Variants in SH3BP2 observed in about 807,000 individuals in gnomAD.
The protein encoded by SH3BP2 is SH3 domain-binding protein 2.
SH3BP2 carries 38 observed loss-of-function variants against 56.2 expected under a neutral mutation model. The ratio of observed to expected loss-of-function variants is 0.68; its 90% CI spans 0.52 to 0.89. The LOEUF (loss-of-function observed/expected upper bound fraction) is 0.89, where lower values mean the gene tolerates loss of function less well. Ranked by LOEUF, SH3BP2 falls within the 40% of genes least tolerant of loss-of-function variation. The pLI, the probability that SH3BP2 is intolerant of heterozygous loss-of-function variation, is 0.00. For synonymous variants in SH3BP2, 346 were observed against 316.7 expected (o/e 1.09, Z -0.98); for missense variants, 748 against 762.6 (o/e 0.98, Z 0.23).
In SH3BP2 at chr4:2,810,320, C is replaced by T. The variant is rs1723693803; in HGVS notation, c.-4-10294C>T. Among the ~76,000 whole-genome samples the T allele has an allele frequency of 6.6e-6, 1 of 151,592 alleles. No individual in the cohort carries two copies. Among genetic ancestry groups the T allele is most frequent in the South Asian group, 2.1e-4 (1 of 4,816 alleles). Reference sequence around the variant, plus strand: ...CTCCTCTCCTCTGGGCTGGACTCCCCCTGTAGCATCACAGCATTGGACCAG... The same window carrying T: ...CTCCTCTCCTCTGGGCTGGACTCCCTCTGTAGCATCACAGCATTGGACCAG... On this transcript the variant is annotated intron_variant, in intron 1 of 12. Coordinates refer to ENST00000503393, the MANE Select transcript of SH3BP2 (RefSeq NM_001122681.2). The surrounding 1 kb of genome is among the most constrained non-coding windows in gnomAD (Gnocchi z 4.2).
intron 1 of SH3BP2, among the ~76,000 whole-genome samples, chr4:2,815,480 C>G (rs1723955086): frequency 6.6e-6 from 1 of 152,212 alleles, no homozygotes; most frequent in Non-Finnish European, 1.5e-5. Context: ...CAGGAACGAG[C>G]CCCTCACAGG....
At chr4:2,820,816 G>A (rs1724262668) in intron 2 of SH3BP2, 63 bp downstream of exon 2, 8 of 1,516,614 alleles carry the variant, frequency 5.3e-6, no homozygotes, top group Non-Finnish European at 7.2e-6. Flanking sequence ...AGCCATGTAA[G>A]TAAGCATCCT....
chr4:2,802,404 A>ATGTGTG (rs1175501543), intron 1 of SH3BP2, among the ~76,000 whole-genome samples: 17,251 of 135,760 alleles, frequency 0.13, 1,164 homozygotes, highest in Middle Eastern at 0.16. Flanking sequence ...AAAAAAATAT[A>ATGTGTG]TGTGTGTGTG....
At chr4:2,821,142 G>A (rs1419327549) in intron 2 of SH3BP2, among the ~76,000 whole-genome samples, 4 of 152,214 alleles carry the variant, frequency 2.6e-5, no homozygotes, top group Admixed American at 6.5e-5. Flanking sequence ...CTGGACCTCT[G>A]GAGCTGCACA....
chr4:2,831,624 G>A lies in SH3BP2; in HGVS notation c.1295G>A (p.Arg432Gln), dbSNP rs200226629. 2.1e-5 allele frequency: 34 copies of A among 1,606,216 alleles called. No individual in the cohort carries two copies. Among genetic ancestry groups the A allele is most frequent in the South Asian group, 1.0e-4 (9 of 89,726 alleles). Residue 432 changes from arginine to glutamine, a missense_variant, in exon 9 of 13, where the codon CGG (arginine) becomes CAG (glutamine). Arg to Gln is a conservative substitution (Grantham distance 43). Around this residue, in one of 3 missense-constraint regions of SH3BP2, gnomAD observed 635 missense variants for 615.0 expected, o/e 1.03. Coordinates refer to ENST00000503393, the MANE Select transcript of SH3BP2 (RefSeq NM_001122681.2). This position sits in a 1 kb window ranked among gnomAD's most constrained non-coding sequence, Gnocchi z 4.1. Reference sequence around the variant, plus strand: ...AGGAGCTTCTCCTTTGAAAAGCCCCGGCAACCCTCACAGGCTGACACTGGC... The same window carrying A: ...AGGAGCTTCTCCTTTGAAAAGCCCCAGCAACCCTCACAGGCTGACACTGGC... The part of the protein sequence containing the change: ...SFRSFSFEKP[R>Q]QPSQADTGGD...
At position 2,838,244 on chromosome 4, in the gene SH3BP2, C is replaced by T. The variant is rs931775112; in HGVS notation, c.*4410C>T. ...AAATAGTTTTGCCAGCACCCAAGTG[C>T]CCTCCCCTCACAGTGTCACTTCCGG... On this transcript the variant is annotated 3_prime_UTR_variant, in exon 13 of 13. Coordinates refer to ENST00000503393, the MANE Select transcript of SH3BP2 (RefSeq NM_001122681.2). The T allele has an allele frequency of 2.6e-5, 4 of 152,250 alleles. No homozygotes were observed. The highest frequency in any genetic ancestry group is 5.9e-5 in the Non-Finnish European group (4 of 68,058). 9.4% of individuals were successfully genotyped at this position (152,250 alleles called of 1,614,324 possible).
intron 1 of SH3BP2, chr4:2,811,918 T>C: frequency 5.0e-6 from 1 of 200,198 alleles, no homozygotes; most frequent in East Asian, 1.4e-4. Context: ...ACACCATCCC[T>C]GTGTGTGTTG....
At chr4:2,807,773 G>A (rs111930449) in intron 1 of SH3BP2, among the ~76,000 whole-genome samples, 5 of 152,300 alleles carry the variant, frequency 3.3e-5, no homozygotes, top group Non-Finnish European at 5.9e-5. Context: ...GGGTGAACGC[G>A]AGGCCAGGAG....
rs548479365 is a variant in SH3BP2, at chr4:2,838,715, A to G, written c.*4881A>G. 3 of 151,720 alleles carry G rather than the reference A, an allele frequency of 2.0e-5. No homozygotes were observed. In the East Asian group the frequency reaches 5.8e-4, roughly 29 times the overall value. 9.4% of individuals were successfully genotyped at this position (151,720 alleles called of 1,614,324 possible). On this transcript the variant is annotated 3_prime_UTR_variant, in exon 13 of 13. Transcript: ENST00000503393. Reference sequence around the variant, plus strand: ...CGTGACCCGAGACAGTTCTTCCGGTATGGTCCATGGAAGCCAAAAGATTGG... The same window carrying G: ...CGTGACCCGAGACAGTTCTTCCGGTGTGGTCCATGGAAGCCAAAAGATTGG...
Position 2,824,723 on chromosome 4 carries a change from A to C in SH3BP2, c.350A>C (p.Glu117Ala), listed in dbSNP as rs372711589. Residue 117 changes from glutamate to alanine, a missense_variant, in exon 4 of 13, where the codon GAG becomes GCG. Transcript: ENST00000503393. ...TWFFSASSEE[E>A]RKSWMALLRR... ...TTCTTCTCGGCCTCCTCCGAGGAGG[A>C]GCGCAAGGTGACTGGGGGTCCGAGG... 4.0e-5 allele frequency: 65 copies of C among 1,610,122 alleles called. No individual in the cohort carries two copies. The highest frequency in any genetic ancestry group is 5.4e-5 in the Non-Finnish European group (63 of 1,176,814).
intron 10 of SH3BP2, 100 bp from the exon 11 acceptor site, chr4:2,832,231 A>C (rs1725026347): frequency 1.7e-6 from 2 of 1,144,482 alleles, no homozygotes; most frequent in Non-Finnish European, 2.7e-6. Context: ...GACCTACAAC[A>C]GCGAGAGGAC....
chr4:2,818,717 C>A, intron 1 of SH3BP2: 1 of 994,220 alleles, frequency 1.0e-6, no homozygotes, highest in Non-Finnish European at 1.2e-6. Flanking sequence ...TGTTCCAAAC[C>A]TTGGCCTGTG....
At chr4:2,822,336 T>G (rs1385888570) in intron 2 of SH3BP2, among the ~76,000 whole-genome samples, 1 of 152,144 alleles carries the variant, frequency 6.6e-6, no homozygotes, top group Non-Finnish European at 1.5e-5. Context: ...TTGTATTTTT[T>G]GTAGAGATGG....
intron 1 of SH3BP2, chr4:2,812,365 G>A (rs1217217972): frequency 2.6e-6 from 4 of 1,550,232 alleles, no homozygotes; most frequent in Admixed American, 2.0e-5. Context: ...TCTGGGAGAT[G>A]TAGGCTGCCT....
At chr4:2,797,329 C>T (rs1208564614) in intron 1 of SH3BP2, among the ~76,000 whole-genome samples, 1 of 152,194 alleles carries the variant, frequency 6.6e-6, no homozygotes, top group African/African-American at 2.4e-5. Context: ...TTACCACCCA[C>T]CCTGGTTTCT....
Position 2,833,836 on chromosome 4 carries a change from G to T in SH3BP2, c.*2G>T. 2 of 1,564,158 alleles carry T rather than the reference G, an allele frequency of 1.3e-6. No homozygotes were observed. The highest frequency in any genetic ancestry group is 1.7e-6 in the Non-Finnish European group (2 of 1,155,534). The stretch of plus-strand genomic sequence containing the variant: ...TACGGCTACACTGGGCCTAGGTGAT[G>T]GCAGTCCATGTGGCTGCCAGGCCAA... On this transcript the variant is annotated 3_prime_UTR_variant, in exon 13 of 13. Transcript: ENST00000503393.
chr4:2,793,518 G>GGCCGGGT (rs1031549500), intron 1 of SH3BP2, among the ~76,000 whole-genome samples: 23 of 151,542 alleles, frequency 1.5e-4, no homozygotes, highest in Non-Finnish European at 2.7e-4. Context: ...TCGGGGCGGG[G>GGCCGGGT]GCCGGGTGTC....
In SH3BP2 at chr4:2,818,811, G is replaced by A. The variant is rs927100914; in HGVS notation, c.-4-1803G>A. 11 of 986,602 alleles carry A rather than the reference G, an allele frequency of 1.1e-5. No individual in the cohort carries two copies. In the African/African-American group the frequency reaches 1.9e-4, roughly 17 times the overall value. 61.1% of individuals were successfully genotyped at this position (986,602 alleles called of 1,614,324 possible). A position where few individuals can be genotyped will look rare whatever the true frequency, so the allele number is the denominator to read the frequency against. ...TTTGGGTGCAGAAGGAGCTGGTGGGGTCCAGCCGGGTGACCCAGGCCGAGG... is the reference window on the plus strand; with the variant it reads ...TTTGGGTGCAGAAGGAGCTGGTGGGATCCAGCCGGGTGACCCAGGCCGAGG... On this transcript the variant is annotated intron_variant, in intron 1 of 12. Transcript: ENST00000503393.
chr4:2,800,575 C>G (rs958104733), intron 1 of SH3BP2, among the ~76,000 whole-genome samples: 1 of 151,636 alleles, frequency 6.6e-6, no homozygotes, highest in Non-Finnish European at 1.5e-5. Context: ...GATGACGGGC[C>G]AGGTGGCACT....
Sources: allele counts gnomAD v4.1 joint callset (sites outside exome capture counted in the v4.1 genomes callset), GRCh38; gene constraint gnomAD v4.1.1; regional missense constraint gnomAD v4.1.1; non-coding constraint Gnocchi (gnomAD v3.1); transcripts MANE v1.5; gene names NCBI Gene and HGNC (gene_info 2026-07-23, HGNC 2026-07-21).